LARGE1: variants seen among roughly 807,000 people sequenced by gnomAD.
LARGE1 encodes xylosyl- and glucuronyltransferase LARGE1.
In LARGE1, 43 loss-of-function variants were observed where a neutral mutation model predicts 87.6. The ratio of observed to expected loss-of-function variants is 0.49; its 90% CI spans 0.38 to 0.63. The LOEUF is 0.63. Ranked by LOEUF, LARGE1 falls within the 30% of genes least tolerant of loss-of-function variation. The probability of loss-of-function intolerance (pLI) is 0.00; values close to 1 mark genes in which losing one functional copy is unlikely to be tolerated. For synonymous variants in LARGE1, 434 were observed against 394.6 expected (o/e 1.10, Z -1.18); for missense variants, 802 against 1,000.2 (o/e 0.80, Z 2.67).
chr22:33,850,457 T>G (rs1172390768), intron 1 of LARGE1, among the ~76,000 whole-genome samples: 5 of 152,154 alleles, frequency 3.3e-5, no homozygotes, highest in African/African-American at 9.7e-5. Flanking sequence ...GGTTTCCGCC[T>G]CCTCATTTGC....
At chr22:33,115,593 G>C in the LARGE1 span, among the ~76,000 whole-genome samples, 1 of 152,120 alleles carries the variant, frequency 6.6e-6, no homozygotes, top group East Asian at 1.9e-4. Flanking sequence ...CAAGGCGGGG[G>C]AATCACGAAG....
chr22:33,770,096 G>A (rs2085019144), intron 1 of LARGE1, among the ~76,000 whole-genome samples: 1 of 152,184 alleles, frequency 6.6e-6, no homozygotes, highest in Non-Finnish European at 1.5e-5. Context: ...ACTTTAAAGT[G>A]CAAGTTATTC....
chr22:33,467,093 G>C (rs1426222819), intron 6 of LARGE1, among the ~76,000 whole-genome samples: 1 of 152,142 alleles, frequency 6.6e-6, no homozygotes, highest in Non-Finnish European at 1.5e-5. Flanking sequence ...TACTTATAAA[G>C]GAATGATATT....
intron 6 of LARGE1, among the ~76,000 whole-genome samples, chr22:33,528,041 C>T (rs930134836): frequency 2.0e-5 from 3 of 151,538 alleles, no homozygotes; most frequent in Admixed American, 6.6e-5. Context: ...GAGAAAAAAA[C>T]CCATATGAGT....
intron 11 of LARGE1, among the ~76,000 whole-genome samples, chr22:33,244,698 A>C (rs1926675823): frequency 6.6e-6 from 1 of 152,236 alleles, no homozygotes; most frequent in South Asian, 2.1e-4. Flanking sequence ...GCTACAGCTA[A>C]GGATCTTCAA....
chr22:33,491,693 C>T (rs16992444), intron 6 of LARGE1, among the ~76,000 whole-genome samples: 2,894 of 152,294 alleles, frequency 0.019, 90 homozygotes, highest in African/African-American at 0.066. Flanking sequence ...AATCATAAGT[C>T]GATCTTACAG....
chr22:33,752,319 T>C (rs1374282781), intron 2 of LARGE1, among the ~76,000 whole-genome samples: 1 of 152,098 alleles, frequency 6.6e-6, no homozygotes. Context: ...TTACTTAAAA[T>C]TAAGAGACCT....
chr22:33,502,539 C>T (rs1246616209), intron 6 of LARGE1, among the ~76,000 whole-genome samples: 2 of 152,024 alleles, frequency 1.3e-5, no homozygotes, highest in Non-Finnish European at 2.9e-5. Context: ...TGTATAGGTG[C>T]CACCCACCTC....
At chr22:33,811,702 T>G (rs1475829636) in intron 1 of LARGE1, among the ~76,000 whole-genome samples, 1 of 152,174 alleles carries the variant, frequency 6.6e-6, no homozygotes, top group African/African-American at 2.4e-5. Flanking sequence ...CGGTAAATTG[T>G]TCAAACTTTT....
chr22:33,880,045 C>T (rs2064626439), intron 1 of LARGE1, among the ~76,000 whole-genome samples: 1 of 152,200 alleles, frequency 6.6e-6, no homozygotes, highest in African/African-American at 2.4e-5. Context: ...AGGCCAAGTG[C>T]ACTGCTTTCA....
intron 6 of LARGE1, among the ~76,000 whole-genome samples, chr22:33,561,066 G>C (rs889244145): frequency 6.6e-6 from 1 of 152,118 alleles, no homozygotes; most frequent in Non-Finnish European, 1.5e-5. Context: ...TGCCGGGCTC[G>C]GCCTCCCAAA....
At chr22:33,223,252 C>T (rs1238851249) in intron 11 of LARGE1, among the ~76,000 whole-genome samples, 1 of 152,100 alleles carries the variant, frequency 6.6e-6, no homozygotes, top group African/African-American at 2.4e-5. Context: ...GTCAAAGGGG[C>T]AAGGCAGAAG....
intron 11 of LARGE1, among the ~76,000 whole-genome samples, chr22:33,204,332 AAG>A (rs1440010939): frequency 6.6e-6 from 1 of 152,200 alleles, no homozygotes; most frequent in African/African-American, 2.4e-5. Context: ...TCAGAAGCAC[AAG>A]AGAGTCATAA....
At chr22:33,301,549 C>A (rs1934146680) in intron 12 of LARGE1, among the ~76,000 whole-genome samples, 2 of 152,116 alleles carry the variant, frequency 1.3e-5, no homozygotes, top group Non-Finnish European at 2.9e-5. Flanking sequence ...ACCTAGTAAC[C>A]TTCCCTGCGT....
At chr22:33,264,889 CTTTTTTT>C (rs200074908) in intron 11 of LARGE1, among the ~76,000 whole-genome samples, 33 of 74,378 alleles carry the variant, frequency 4.4e-4, no homozygotes, top group African/African-American at 1.3e-3. Context: ...TGATCAAATT[CTTTTTTT>C]TTTTTTTTTT....
the LARGE1 span, among the ~76,000 whole-genome samples, chr22:33,070,042 G>A: frequency 1.3e-5 from 2 of 152,082 alleles, no homozygotes; most frequent in African/African-American, 2.4e-5. Context: ...GACTGATCTC[G>A]AACTCCCGAC....
chr22:33,247,754 C>T (rs996626069), intron 11 of LARGE1, among the ~76,000 whole-genome samples: 1 of 152,158 alleles, frequency 6.6e-6, no homozygotes, highest in African/African-American at 2.4e-5. Flanking sequence ...AAGAACAAGG[C>T]AGTGTACTGA....
intron 11 of LARGE1, among the ~76,000 whole-genome samples, chr22:33,260,878 C>T (rs183544630): frequency 2.0e-5 from 3 of 152,336 alleles, no homozygotes; most frequent in Non-Finnish European, 2.9e-5. Flanking sequence ...GGACCCAGCA[C>T]TCATCCTGGC....
intron 1 of LARGE1, among the ~76,000 whole-genome samples, chr22:33,865,832 CTTTTTTTTTTTTTTTTTTTTTTT>C (rs3072359): frequency 7.1e-5 from 2 of 28,366 alleles, no homozygotes; most frequent in South Asian, 2.0e-3. Context: ...AGCTGTTATT[CTTTTTTTTTTTTTTTTTTTTTTT>C]TTTTTTTTTT....
Sources: allele counts gnomAD v4.1 joint callset (sites outside exome capture counted in the v4.1 genomes callset), GRCh38; gene constraint gnomAD v4.1.1; transcripts MANE v1.5; gene names NCBI Gene and HGNC (gene_info 2026-07-23, HGNC 2026-07-21).